The following KLF13 variants were observed in gnomAD, a reference collection of about 807,000 sequenced individuals.
KLF13 encodes Krueppel-like factor 13.
Under a neutral mutation model 16.7 loss-of-function variants are expected in KLF13, and 8 were observed. The observed-to-expected ratio is 0.48, with a 90% CI of 0.28 to 0.87. The LOEUF (loss-of-function observed/expected upper bound fraction) is 0.87. KLF13 is among the 40% of genes least tolerant of loss of function. The pLI is 0.10. For missense variants in KLF13, 447 were observed against 452.2 expected (o/e 0.99, Z 0.10); for synonymous variants, 245 against 208.4 (o/e 1.18, Z -1.51).
chr15:31,411,377 C>T (rs1595506579), intron 1 of KLF13, among the ~76,000 whole-genome samples: 1 of 151,532 alleles, frequency 6.6e-6, no homozygotes, highest in East Asian at 1.9e-4. Context: ...ATGTAACTTA[C>T]CATACCAACA....
At chr15:31,391,562 T>C (rs984553919), upstream of KLF13, among the ~76,000 whole-genome samples, 16 of 152,006 alleles carry the variant, frequency 1.1e-4, no homozygotes, top group Non-Finnish European at 1.3e-4. Context: ...AGGAGCCCCA[T>C]CTGGGGCCCC....
rs941690750 is a variant in KLF13 at position 31,373,626 on chromosome 15, G to T, written c.*1327G>T. On this transcript the variant is annotated 3_prime_UTR_variant, in exon 2 of 2. Transcript: ENST00000307145. ...ACACCCAGCTGGTGGGGCTGCTCCA[G>T]TGCCCCATCACCGGCCTTCTCCTGG... 6.6e-6 allele frequency: 1 copy of T among 152,224 alleles called. No homozygotes were observed. The highest frequency in any genetic ancestry group is 1.5e-5 in the Non-Finnish European group (1 of 68,078). 9.4% of individuals were successfully genotyped at this position (152,224 alleles called of 1,614,324 possible).
At chr15:31,393,396 AGTACCTACCCCGTCACCCCCGGCCC>A (rs1225671629) in intron 1 of KLF13, 1 of 152,294 alleles carries the variant, frequency 6.6e-6, no homozygotes, top group Non-Finnish European at 1.5e-5. Context: ...CCGGCTAAAG[AGTACCTACCCCGTCACCCCCGGCCC>A]GTCCCCCCCC....
chr15:31,350,837 G>T (rs1024092996), intron 1 of KLF13, among the ~76,000 whole-genome samples: 2 of 152,276 alleles, frequency 1.3e-5, no homozygotes, highest in African/African-American at 4.8e-5. Flanking sequence ...GGCCAGGCCA[G>T]AATGCAGGCC....
chr15:31,352,511 C>T (rs1261863695), intron 1 of KLF13, among the ~76,000 whole-genome samples: 1 of 152,222 alleles, frequency 6.6e-6, no homozygotes, highest in Admixed American at 6.5e-5. Context: ...GCAGCCTCAG[C>T]AGCTGCTGAG....
chr15:31,340,322 T>C (rs1389986112), intron 1 of KLF13, among the ~76,000 whole-genome samples: 2 of 152,268 alleles, frequency 1.3e-5, no homozygotes, highest in South Asian at 4.1e-4. Flanking sequence ...TCAGATTTGC[T>C]GCATTTGTTT....
chr15:31,368,967 A>G (rs144235580), intron 1 of KLF13, among the ~76,000 whole-genome samples: 3 of 152,338 alleles, frequency 2.0e-5, no homozygotes, highest in African/African-American at 7.2e-5. Context: ...CTTGATGGTT[A>G]CTGCCATAAA....
At chr15:31,398,715 G>A (rs2039990389) in intron 2 of KLF13, among the ~76,000 whole-genome samples, 1 of 152,134 alleles carries the variant, frequency 6.6e-6, no homozygotes, top group Non-Finnish European at 1.5e-5. Flanking sequence ...GCCTTGGAAA[G>A]ATCAAGCAGG....
rs568489216 is a variant in KLF13 at position 31,327,584 on chromosome 15, G to C, written c.372G>C (p.Glu124Asp). 5,391 of 1,219,838 alleles carry C rather than the reference G, an allele frequency of 4.4e-3. 17 individuals are homozygous for C. Among genetic ancestry groups the C allele is most frequent in the Non-Finnish European group, 5.2e-3 (5,082 of 969,398 alleles). The allele number at this position is 1,219,838 out of a possible 1,614,324, so 75.6% of individuals were successfully genotyped here. Residue 124 changes from glutamate to aspartate, a missense_variant, in exon 1 of 2, where the codon GAG (glutamate) becomes GAC (aspartate). By Grantham distance (45) the Glu-to-Asp change is conservative (BLOSUM62 2). Transcript: ENST00000307145. ...CGCCCCCCAGCCCGGCGTGGAGCGAGCCGGAGCCCGAGGCGGGGCTGGAGC... is the reference window on the plus strand; with the variant it reads ...CGCCCCCCAGCCCGGCGTGGAGCGACCCGGAGCCCGAGGCGGGGCTGGAGC... ...AAAPPSPAWS[E>D]PEPEAGLEPE... is the part of the protein sequence containing the mutation.
chr15:31,431,261 A>G (rs1449595337), intron 1 of KLF13, among the ~76,000 whole-genome samples: 8 of 152,070 alleles, frequency 5.3e-5, no homozygotes, highest in Admixed American at 5.2e-4. Context: ...AGCCTCCAGA[A>G]CTGTGAAAAA....
chr15:31,411,399 TC>T (rs2040191736), intron 1 of KLF13, among the ~76,000 whole-genome samples: 1 of 133,748 alleles, frequency 7.5e-6, no homozygotes, highest in African/African-American at 3.2e-5. Flanking sequence ...ATTTTTTTTT[TC>T]TTTTTTTTTT....
chr15:31,404,842 C>T (rs1477136498), downstream of KLF13: 1 of 152,458 alleles, frequency 6.6e-6, no homozygotes. Context: ...CAACTCCCGA[C>T]ACGGAAAGGC....
intron 2 of KLF13, among the ~76,000 whole-genome samples, chr15:31,395,172 G>A (rs996639181): frequency 6.6e-6 from 1 of 152,070 alleles, no homozygotes; most frequent in Non-Finnish European, 1.5e-5. Flanking sequence ...TAGAGATGGC[G>A]TTTCACCACG....
At chr15:31,398,284 G>T (rs2039983157) in intron 2 of KLF13, among the ~76,000 whole-genome samples, 1 of 152,172 alleles carries the variant, frequency 6.6e-6, no homozygotes, top group South Asian at 2.1e-4. Context: ...AACAGCCCAG[G>T]TGTTAGGGGA....
intron 1 of KLF13, among the ~76,000 whole-genome samples, chr15:31,366,883 TAAC>T (rs1204615117): frequency 6.6e-6 from 1 of 152,244 alleles, no homozygotes; most frequent in African/African-American, 2.4e-5. Context: ...ACTGTTTTCA[TAAC>T]AATAGCACTG....
intron 1 of KLF13, among the ~76,000 whole-genome samples, chr15:31,424,665 T>A (rs1171983762): frequency 6.6e-6 from 1 of 152,078 alleles, no homozygotes; most frequent in African/African-American, 2.4e-5. Flanking sequence ...ACAGCCAACA[T>A]CAAACTCAGT....
chr15:31,419,413 A>T (rs2040295095), intron 1 of KLF13, among the ~76,000 whole-genome samples: 1 of 152,192 alleles, frequency 6.6e-6, no homozygotes, highest in South Asian at 2.1e-4. Flanking sequence ...GACAACTAAA[A>T]ACAAATCCAG....
At chr15:31,382,968 A>G (rs560833805) in intron 1 of KLF13, among the ~76,000 whole-genome samples, 1 of 152,330 alleles carries the variant, frequency 6.6e-6, no homozygotes, top group East Asian at 1.9e-4. Context: ...CTGCCCCATC[A>G]TAATGTCTTC....
At chr15:31,428,641 C>A (rs189213399) in intron 1 of KLF13, among the ~76,000 whole-genome samples, 3 of 151,808 alleles carry the variant, frequency 2.0e-5, no homozygotes, top group South Asian at 4.2e-4. Context: ...CCCGTCTCTA[C>A]TAAAAAATAC....
Sources: allele counts gnomAD v4.1 joint callset (sites outside exome capture counted in the v4.1 genomes callset), GRCh38; gene constraint gnomAD v4.1.1; transcripts MANE v1.5; gene names NCBI Gene and HGNC (gene_info 2026-07-23, HGNC 2026-07-21).